Variants in CGRRF1 observed in about 807,000 individuals in gnomAD.
CGRRF1 encodes cell growth regulator with ring finger domain 1, also known as cell growth regulator with RING finger domain protein 1.
Under a neutral mutation model 37.2 loss-of-function variants are expected in CGRRF1, and 32 were observed. The ratio of observed to expected loss-of-function variants is 0.86; its 90% CI spans 0.65 to 1.16. CGRRF1 has a LOEUF of 1.16. CGRRF1 is among the 50% of genes most tolerant of loss of function. The probability of loss-of-function intolerance (pLI) is 0.00; values close to 1 mark genes in which losing one functional copy is unlikely to be tolerated. For synonymous variants in CGRRF1, 141 were observed against 140.3 expected (o/e 1.00, Z -0.04); for missense variants, 391 against 382.6 (o/e 1.02, Z -0.18).
chr14:54,517,470 T>G (rs1182822719), intron 1 of CGRRF1, among the ~76,000 whole-genome samples: 1 of 152,262 alleles, frequency 6.6e-6, no homozygotes. Flanking sequence ...GTTAGACTTG[T>G]GTGTTTTGAA....
rs767392720 is a variant in CGRRF1, at chr14:54,530,060, T to G, written c.256T>G (p.Leu86Val). The change falls in exon 3 of 6, where the codon TTG becomes GTG. Residue 86 changes from leucine to valine, a missense_variant. Transcript: ENST00000216420. ...TTTGTTTTTTACAGCTGGCATAACC[T>G]TGACAACAGATTGCCTTGAAGATAG... The part of the protein sequence containing the change: ...SSASITTGIT[L>V]TTDCLEDSLL... The G allele has an allele frequency of 6.2e-7, 1 of 1,609,692 alleles. No individual in the cohort carries two copies. The highest frequency in any genetic ancestry group is 1.7e-5 in the Admixed American group (1 of 59,848).
chr14:54,526,734 G>A (rs1020369226), intron 2 of CGRRF1, among the ~76,000 whole-genome samples: 7 of 152,116 alleles, frequency 4.6e-5, no homozygotes, highest in African/African-American at 1.7e-4. Context: ...TCTGGTAAGA[G>A]CTAACATTAA....
At position 54,509,972 on chromosome 14, in the gene CGRRF1, T is replaced by C; in HGVS notation, c.13T>C (p.Phe5Leu). 9.9e-6 allele frequency: 16 copies of C among 1,613,240 alleles called. No homozygotes were observed. The highest frequency in any genetic ancestry group is 1.4e-5 in the Non-Finnish European group (16 of 1,179,220). Residue 5 changes from phenylalanine (F) to leucine (L), a missense_variant, in exon 1 of 6, where the codon TTT (phenylalanine) becomes CTT (leucine). Transcript: ENST00000216420. ...GAGCAAGACCCTGATGGCTGCGGTG[T>C]TTCTGGTAACGCTTTATGAATACTC... MAAV[F>L]LVTLYEYSPL... is the part of the protein sequence containing the mutation.
intron 1 of CGRRF1, among the ~76,000 whole-genome samples, chr14:54,511,357 C>T (rs918516769): frequency 4.6e-5 from 7 of 152,128 alleles, no homozygotes; most frequent in Non-Finnish European, 1.0e-4. Context: ...ACCAATCTTA[C>T]ACAATTGGTT....
chr14:54,522,583 T>G lies in CGRRF1; in HGVS notation c.234T>G (p.Ala78=). The part of the protein sequence containing the change: ...FGLEITNPSS[A]SITTGITLTT... ...TAGAGATCACTAATCCATCTTCAGC[T>G]TCAATTACAAGTTGGTGGCTGTTTT... The change falls in exon 2 of 6, where the codon GCT becomes GCG. Residue 78 remains alanine (A), a synonymous_variant. Coordinates refer to ENST00000216420, the MANE Select transcript of CGRRF1 (RefSeq NM_006568.3). The G allele has an allele frequency of 6.3e-7, 1 of 1,578,194 alleles. No homozygotes were observed. The highest frequency in any genetic ancestry group is 8.6e-7 in the Non-Finnish European group (1 of 1,168,978).
At chr14:54,533,722 A>G (rs895505711) in intron 4 of CGRRF1, among the ~76,000 whole-genome samples, 1 of 151,982 alleles carries the variant, frequency 6.6e-6, no homozygotes, top group South Asian at 2.1e-4. Flanking sequence ...GTTTTAGATT[A>G]AAAAAAGGAA....
intron 1 of CGRRF1, among the ~76,000 whole-genome samples, chr14:54,513,522 AT>A (rs2032162855): frequency 6.6e-6 from 1 of 152,232 alleles, no homozygotes; most frequent in South Asian, 2.1e-4. Flanking sequence ...AAAGCACTTC[AT>A]TTTGTGTAGC....
chr14:54,526,232 G>A (rs867820878), intron 2 of CGRRF1, among the ~76,000 whole-genome samples: 2 of 137,702 alleles, frequency 1.5e-5, no homozygotes, highest in Non-Finnish European at 3.0e-5. Context: ...TCACTGCAAC[G>A]TCTGCCTCCC....
At chr14:54,525,843 T>C (rs2032402312) in intron 2 of CGRRF1, among the ~76,000 whole-genome samples, 1 of 152,164 alleles carries the variant, frequency 6.6e-6, no homozygotes, top group Admixed American at 6.5e-5. Flanking sequence ...ATGCTTGTAA[T>C]CCCAGTACTC....
rs762851087 is a variant in CGRRF1, at chr14:54,530,992, A to C, written c.512A>C (p.Tyr171Ser). ...TTTGGTACAGTACCCAGATCTCGCT[A>C]TCCATTGGTAGCGCTATTGACCTTA... ...EDFGTVPRSR[Y>S]PLVALLTLAD... is the part of the protein sequence containing the mutation. The change falls in exon 4 of 6, where the codon TAT becomes TCT. Residue 171 changes from tyrosine (Y) to serine (S), a missense_variant. Transcript: ENST00000216420. 3.1e-6 allele frequency: 5 copies of C among 1,612,460 alleles called. No homozygotes were observed. Among genetic ancestry groups the C allele is most frequent in the Non-Finnish European group, 4.2e-6 (5 of 1,178,670 alleles).
chr14:54,522,314 A>G (rs2032329587), intron 1 of CGRRF1, 140 bp from the exon 2 acceptor site: 2 of 584,478 alleles, frequency 3.4e-6, no homozygotes, highest in Non-Finnish European at 5.5e-6. Context: ...GGATCTCTAA[A>G]ATAACGTAAA....
rs1028414221 is a variant in CGRRF1 at position 54,538,478 on chromosome 14, A to G, written c.*95A>G. Reference sequence around the variant, plus strand: ...TAACATGGAATCTACAGTACTGACCATCAATGAAAATTATATTTTAACTTC... The same window carrying G: ...TAACATGGAATCTACAGTACTGACCGTCAATGAAAATTATATTTTAACTTC... On this transcript the variant is annotated 3_prime_UTR_variant, in exon 6 of 6. Coordinates refer to ENST00000216420, the MANE Select transcript of CGRRF1 (RefSeq NM_006568.3). The G allele has an allele frequency of 1.3e-6, 1 of 781,508 alleles. No individual in the cohort carries two copies. Among genetic ancestry groups the G allele is most frequent in the African/African-American group, 1.8e-5 (1 of 56,638 alleles). The allele number at this position is 781,508 out of a possible 1,614,324, so 48.4% of individuals were successfully genotyped here. A position where few individuals can be genotyped will look rare whatever the true frequency, so the allele number is the denominator to read the frequency against.
chr14:54,534,176 G>A (rs2032564816), intron 4 of CGRRF1, among the ~76,000 whole-genome samples: 1 of 151,840 alleles, frequency 6.6e-6, no homozygotes, highest in Admixed American at 6.6e-5. Flanking sequence ...CCAGGCTGGT[G>A]TGCAGTGGCA....
In CGRRF1 at chr14:54,538,109, C is replaced by G. The variant is rs1594659409; in HGVS notation, c.725C>G (p.Ser242Cys). The G allele has an allele frequency of 3.1e-6, 5 of 1,613,664 alleles. No homozygotes were observed. Among genetic ancestry groups the G allele is most frequent in the Middle Eastern group, 1.7e-4 (1 of 6,058 alleles). Residue 242 changes from serine to cysteine, a missense_variant, in exon 6 of 6, where the codon TCC (serine) becomes TGC (cysteine). By Grantham distance (112) the Ser-to-Cys change is moderately radical (BLOSUM62 -1). Transcript: ENST00000216420. Reference sequence around the variant, plus strand: ...AATAATTTCACTCCCTCCAACAATTCCTCTTCAGAAGAAAAAAACACAGAC... The same window carrying G: ...AATAATTTCACTCCCTCCAACAATTGCTCTTCAGAAGAAAAAAACACAGAC... ...ANNNFTPSNN[S>C]SSEEKNTDRS... is the part of the protein sequence containing the mutation.
intron 1 of CGRRF1, among the ~76,000 whole-genome samples, chr14:54,516,582 C>G (rs1485590803): frequency 1.3e-5 from 2 of 151,610 alleles, no homozygotes; most frequent in African/African-American, 2.4e-5. Flanking sequence ...CTTTCTTTTT[C>G]TTAGGATTTT....
chr14:54,527,196 A>G (rs1475691926), intron 2 of CGRRF1, among the ~76,000 whole-genome samples: 2 of 152,204 alleles, frequency 1.3e-5, no homozygotes, highest in African/African-American at 2.4e-5. Context: ...AAAAAAATAC[A>G]TAAAAATTGA....
rs186205349 is a variant in CGRRF1 at position 54,532,234 on chromosome 14, C to T, written c.570+1184C>T. 7.2e-5 allele frequency among the ~76,000 whole-genome samples: 11 copies of T among 152,156 alleles called. No homozygotes were observed. The East Asian group carries it at 2.1e-3, about 29-fold the overall frequency. ...AAAGACTCTTTGGGAAATCTAGACC[C>T]TTCTTACTCATTTGCAGTTAAGCAC... On this transcript the variant is annotated intron_variant, in intron 4 of 5. Transcript: ENST00000216420.
At chr14:54,511,119 C>T (rs1300762593) in intron 1 of CGRRF1, among the ~76,000 whole-genome samples, 2 of 152,300 alleles carry the variant, frequency 1.3e-5, no homozygotes, top group East Asian at 3.9e-4. Flanking sequence ...CTACGTAAAA[C>T]GAGTTTTAAA....
At chr14:54,512,486 T>G (rs1208528278) in intron 1 of CGRRF1, among the ~76,000 whole-genome samples, 3 of 152,238 alleles carry the variant, frequency 2.0e-5, no homozygotes, top group African/African-American at 7.2e-5. Flanking sequence ...CCAGTAGCTA[T>G]TCCCGGCCTC....
Sources: gnomAD v4.1 joint callset for allele counts (sites outside exome capture counted in the v4.1 genomes callset) on GRCh38, gnomAD v4.1.1 for gene constraint, MANE v1.5 for transcripts, NCBI Gene and HGNC (gene_info 2026-07-23, HGNC 2026-07-21) for gene names.